The following C1orf198 variants were observed in gnomAD, a reference collection of about 807,000 sequenced individuals.
C1orf198 encodes chromosome 1 open reading frame 198.
In C1orf198, 17 loss-of-function variants were observed where a neutral mutation model predicts 31.4. The observed-to-expected ratio is 0.54, with a 90% CI of 0.37 to 0.81. The LOEUF (loss-of-function observed/expected upper bound fraction) is 0.81. C1orf198 is among the 40% of genes least tolerant of loss of function. C1orf198 has a pLI of 0.00. For missense variants in C1orf198, 401 were observed against 450.3 expected, an observed-to-expected ratio of 0.89 and a Z score of 0.99; for synonymous variants, 175 against 193.8, an observed-to-expected ratio of 0.90 and a Z score of 0.81.
chr1:230,844,174 G>A (rs763433421), intron 2 of C1orf198, among the ~76,000 whole-genome samples: 110 of 152,120 alleles, frequency 7.2e-4, no homozygotes, highest in Non-Finnish European at 4.6e-4. Flanking sequence ...GTAATCCCCA[G>A]TGCTGGAGGT....
At chr1:230,848,539 G>T (rs1342567976) in intron 2 of C1orf198, among the ~76,000 whole-genome samples, 1 of 152,130 alleles carries the variant, frequency 6.6e-6, no homozygotes, top group Non-Finnish European at 1.5e-5. Context: ...AGCTATAAGA[G>T]AGGATGTAAA....
chr1:230,862,693 T>C (rs1670028585), intron 1 of C1orf198, among the ~76,000 whole-genome samples: 1 of 152,132 alleles, frequency 6.6e-6, no homozygotes, highest in Non-Finnish European at 1.5e-5. Context: ...ATATCGTTGG[T>C]TGCCAGGGGT....
At chr1:230,846,844 C>T (rs1669599869) in intron 2 of C1orf198, among the ~76,000 whole-genome samples, 1 of 152,198 alleles carries the variant, frequency 6.6e-6, no homozygotes, top group Non-Finnish European at 1.5e-5. Context: ...TGGCTCACGC[C>T]TGTAATCCCA....
At chr1:230,846,879 G>A (rs1347677238) in intron 2 of C1orf198, among the ~76,000 whole-genome samples, 2 of 151,898 alleles carry the variant, frequency 1.3e-5, no homozygotes, top group African/African-American at 4.8e-5. Context: ...CGAGGCGGGC[G>A]GATCACGAGG....
At chr1:230,845,002 A>G (rs1251856777) in intron 2 of C1orf198, among the ~76,000 whole-genome samples, 5 of 152,180 alleles carry the variant, frequency 3.3e-5, no homozygotes, top group Non-Finnish European at 7.3e-5. Flanking sequence ...AATCATTTCT[A>G]AAATCAATTC....
At chr1:230,851,673 G>T (rs189425113) in intron 2 of C1orf198, among the ~76,000 whole-genome samples, 4 of 152,326 alleles carry the variant, frequency 2.6e-5, no homozygotes, top group African/African-American at 7.2e-5. Context: ...GGACAGGCAG[G>T]CCTCCCTTCT....
At chr1:230,869,242 C>G (rs1245082412), upstream of C1orf198, 1 of 152,288 alleles carries the variant, frequency 6.6e-6, no homozygotes, top group Admixed American at 6.5e-5. Context: ...ATGAAGTACC[C>G]GGTGGCCCAG....
At chr1:230,842,966 A>C (rs924301783) in intron 3 of C1orf198, among the ~76,000 whole-genome samples, 1 of 151,840 alleles carries the variant, frequency 6.6e-6, no homozygotes, top group African/African-American at 2.4e-5. Flanking sequence ...CCAAATCCAG[A>C]CCAGTCCTAA....
chr1:230,866,034 C>T (rs1221583023), intron 1 of C1orf198, among the ~76,000 whole-genome samples: 1 of 152,120 alleles, frequency 6.6e-6, no homozygotes. Context: ...GTTTACAGTC[C>T]TTTAGGACAA....
intron 2 of C1orf198, 137 bp downstream of exon 2, chr1:230,855,531 T>A (rs1336109346): frequency 1.1e-6 from 1 of 896,220 alleles, no homozygotes; most frequent in Non-Finnish European, 1.7e-6. Flanking sequence ...CCTCCTTTTC[T>A]ACCAACAATG....
Position 230,843,118 on chromosome 1 carries a change from G to T in C1orf198, c.927+236C>A, listed in dbSNP as rs918673464. Among the ~76,000 whole-genome samples the T allele has an allele frequency of 1.3e-5, 2 of 152,246 alleles. No individual in the cohort carries two copies. Among genetic ancestry groups the T allele is most frequent in the African/African-American group, 4.8e-5 (2 of 41,472 alleles). Reference sequence around the variant, plus strand: ...ACTGGGGAAAGCGCAGTGGGCCACGGAACCCTGACTGGTAAACAAATTAGG... The same window carrying T: ...ACTGGGGAAAGCGCAGTGGGCCACGTAACCCTGACTGGTAAACAAATTAGG... On this transcript the variant is annotated intron_variant, in intron 3 of 3. Coordinates refer to ENST00000366663, the MANE Select transcript of C1orf198 (RefSeq NM_032800.3). This position sits in a 1 kb window ranked among gnomAD's most constrained non-coding sequence, Gnocchi z 4.9.
chr1:230,852,181 C>T (rs953969500), intron 2 of C1orf198, among the ~76,000 whole-genome samples: 1 of 152,148 alleles, frequency 6.6e-6, no homozygotes, highest in Admixed American at 6.5e-5. Flanking sequence ...TGGAGTGACT[C>T]GGTGGCTATA....
chr1:230,856,007 T>C, intron 1 of C1orf198: 1 of 1,189,942 alleles, frequency 8.4e-7, no homozygotes, highest in African/African-American at 1.6e-5. Context: ...TGAGTAGGAG[T>C]GGATGAGGGC....
rs7522855 is a variant in C1orf198, at chr1:230,844,072, C to A, written c.385-176G>T. On this transcript the variant is annotated intron_variant, in intron 2 of 3. Coordinates refer to ENST00000366663, the MANE Select transcript of C1orf198 (RefSeq NM_032800.3). ...GAGTGGTGGGTATGGTCAGGACTCC[C>A]ATCGCACACCTGAAATGCATCAGAA... is the stretch of plus-strand genomic sequence containing the variant. Among the ~76,000 whole-genome samples the A allele has an allele frequency of 4.7e-3, 722 of 152,242 alleles. 6 individuals carry two copies. Among genetic ancestry groups the A allele is most frequent in the African/African-American group, 0.016 (648 of 41,554 alleles).
intron 2 of C1orf198, 54 bp downstream of exon 2, chr1:230,855,614 A>C: frequency 6.3e-7 from 1 of 1,575,720 alleles, no homozygotes; most frequent in Non-Finnish European, 8.7e-7. Flanking sequence ...AAAAATATAC[A>C]ACTACTCAGT....
chr1:230,862,685 ATCGTTGGTTGC>A (rs1457895318), intron 1 of C1orf198, among the ~76,000 whole-genome samples: 1 of 152,198 alleles, frequency 6.6e-6, no homozygotes, highest in Non-Finnish European at 1.5e-5. Flanking sequence ...CAGTTAAAAT[ATCGTTGGTTGC>A]CAGGGGTTGG....
intron 2 of C1orf198, among the ~76,000 whole-genome samples, chr1:230,854,215 C>T (rs1164512809): frequency 3.9e-5 from 6 of 152,134 alleles, no homozygotes; most frequent in Non-Finnish European, 7.4e-5. Context: ...CTTTCTGGGT[C>T]ACCATACCCA....
rs150339183 is a variant in C1orf198, at chr1:230,843,669, C to A, written c.612G>T (p.Glu204Asp). 6.2e-5 allele frequency: 100 copies of A among 1,614,164 alleles called. No homozygotes were observed. In the African/African-American group the frequency reaches 1.2e-3, roughly 20 times the overall value. The change falls in exon 3 of 4, where the codon GAG becomes GAT. Residue 204 changes from glutamate (E) to aspartate (D), a missense_variant. Glu to Asp is a conservative substitution (Grantham distance 45). Transcript: ENST00000366663. This position sits in a 1 kb window ranked among gnomAD's most constrained non-coding sequence, Gnocchi z 4.9. ...TAGGGGTCAGCGACTGGAACTCGGC[C>A]TCAGGCCCCTCCCCTCGGGACCGCT... is the stretch of plus-strand genomic sequence containing the variant. ...NAERSRGEGP[E>D]AEFQSLTPSQ...
At chr1:230,866,293 A>C (rs1005771037) in intron 1 of C1orf198, among the ~76,000 whole-genome samples, 1 of 152,212 alleles carries the variant, frequency 6.6e-6, no homozygotes, top group East Asian at 1.9e-4. Context: ...TACCTCTGTT[A>C]AAATTCAGGG....
Sources: allele counts gnomAD v4.1 joint callset (sites outside exome capture counted in the v4.1 genomes callset), GRCh38; gene constraint gnomAD v4.1.1; non-coding constraint Gnocchi (gnomAD v3.1); transcripts MANE v1.5; gene names NCBI Gene and HGNC (gene_info 2026-07-23, HGNC 2026-07-21).